The following OR1B1 variants were observed in gnomAD, a reference collection of about 807,000 sequenced individuals.
OR1B1 encodes the protein olfactory receptor 1B1.
For synonymous variants in OR1B1, 168 were observed against 156.2 expected (o/e 1.08, Z -0.57); for missense variants, 414 against 402.1 (o/e 1.03, Z -0.25).
chr9:122,654,316 A>G, the OR1B1 span, among the ~76,000 whole-genome samples: 981 of 152,284 alleles, frequency 6.4e-3, 9 homozygotes, highest in African/African-American at 0.023. Flanking sequence ...CTGAACCACA[A>G]CTTGGAGAAG....
At chr9:122,629,609 G>A (rs2118807861), upstream of OR1B1, 3 of 897,492 alleles carry the variant, frequency 3.3e-6, no homozygotes, top group East Asian at 4.9e-5. Flanking sequence ...AGGGATCATA[G>A]CATTTCTAGT....
the OR1B1 span, among the ~76,000 whole-genome samples, chr9:122,647,812 G>A: frequency 6.6e-6 from 1 of 152,202 alleles, no homozygotes; most frequent in Non-Finnish European, 1.5e-5. Flanking sequence ...CCCAAAGCAA[G>A]CACTCAAGAA....
In OR1B1 at chr9:122,628,812, G is replaced by A. The variant is rs556567774; in HGVS notation, c.724C>T (p.Arg242Ter). The change falls in exon 1 of 1, where the codon CGA becomes TGA. Residue 242 changes from arginine (R) to a stop codon, truncating the protein, a stop_gained. Coordinates refer to ENST00000623530, the Ensembl canonical transcript of OR1B1. LOFTEE classifies it low-confidence loss of function (END_TRUNC). Reference sequence around the variant, plus strand: ...TGGGATCCACAGGTGGAGACTGCTCGGCGGCGACCAGCAGCTGAAGGCAAA... The same window carrying A: ...TGGGATCCACAGGTGGAGACTGCTCAGCGGCGACCAGCAGCTGAAGGCAAA... The A allele has an allele frequency of 3.3e-5, 54 of 1,613,968 alleles. No individual in the cohort carries two copies. The highest frequency in any genetic ancestry group is 4.2e-5 in the Non-Finnish European group (49 of 1,180,008).
At chr9:122,629,034 G>A in exon 1 of OR1B1, 1 of 1,614,016 alleles carries the variant, frequency 6.2e-7, no homozygotes, top group Non-Finnish European at 8.5e-7. Flanking sequence ...GTCCAGCAAA[G>A]AGGCAGGACG....
chr9:122,652,771 G>A, the OR1B1 span, among the ~76,000 whole-genome samples: 2 of 152,080 alleles, frequency 1.3e-5, no homozygotes, highest in Non-Finnish European at 2.9e-5. Flanking sequence ...ATTTATCAAG[G>A]AATGATCCAA....
the OR1B1 span, among the ~76,000 whole-genome samples, chr9:122,648,424 T>C: frequency 6.6e-6 from 1 of 152,164 alleles, no homozygotes; most frequent in African/African-American, 2.4e-5. Flanking sequence ...TAATAAGAGC[T>C]ATTTATGACA....
At chr9:122,654,851 C>A in the OR1B1 span, among the ~76,000 whole-genome samples, 2 of 152,188 alleles carry the variant, frequency 1.3e-5, no homozygotes, top group Admixed American at 6.5e-5. Flanking sequence ...CAGGATTTCC[C>A]CCCTTTGTAA....
chr9:122,643,882 T>C, the OR1B1 span, among the ~76,000 whole-genome samples: 1 of 152,130 alleles, frequency 6.6e-6, no homozygotes, highest in Non-Finnish European at 1.5e-5. Flanking sequence ...ACTGTCTTGA[T>C]GGAAAGAACC....
At chr9:122,638,730 C>T in the OR1B1 span, among the ~76,000 whole-genome samples, 1 of 152,192 alleles carries the variant, frequency 6.6e-6, no homozygotes, top group African/African-American at 2.4e-5. Context: ...TCCCTGACCC[C>T]AGGCAGGACC....
At chr9:122,651,331 A>G in the OR1B1 span, among the ~76,000 whole-genome samples, 1 of 152,210 alleles carries the variant, frequency 6.6e-6, no homozygotes, top group African/African-American at 2.4e-5. Flanking sequence ...AACATTCAAT[A>G]TCCACCTTCT....
chr9:122,650,756 G>A, the OR1B1 span, among the ~76,000 whole-genome samples: 4 of 152,186 alleles, frequency 2.6e-5, no homozygotes, highest in African/African-American at 9.6e-5. Context: ...GGGCGCGGTG[G>A]CTCACGCCTG....
chr9:122,634,529 G>A (rs1830238849), upstream of OR1B1, among the ~76,000 whole-genome samples: 3 of 151,948 alleles, frequency 2.0e-5, no homozygotes, highest in South Asian at 2.1e-4. Flanking sequence ...GGCAACAGGA[G>A]AGAGAAAATG....
At chr9:122,634,279 T>C (rs1242736865), upstream of OR1B1, among the ~76,000 whole-genome samples, 1 of 146,544 alleles carries the variant, frequency 6.8e-6, no homozygotes, top group Admixed American at 7.0e-5. Flanking sequence ...GAGGTTGTGG[T>C]GAGCAGAGAT....
At chr9:122,655,398 A>G in the OR1B1 span, among the ~76,000 whole-genome samples, 1 of 152,122 alleles carries the variant, frequency 6.6e-6, no homozygotes, top group African/African-American at 2.4e-5. Context: ...CTACTTTTAC[A>G]CATAAAATGA....
At chr9:122,633,144 G>A (rs931580828), upstream of OR1B1, among the ~76,000 whole-genome samples, 1 of 152,006 alleles carries the variant, frequency 6.6e-6, no homozygotes, top group Non-Finnish European at 1.5e-5. Flanking sequence ...ATGAGATTTG[G>A]GTGGGGACAC....
chr9:122,644,735 G>T, the OR1B1 span, among the ~76,000 whole-genome samples: 1 of 152,086 alleles, frequency 6.6e-6, no homozygotes, highest in African/African-American at 2.4e-5. Flanking sequence ...GACCACCAAG[G>T]TGATATCTTT....
At chr9:122,632,977 C>T (rs187540429), upstream of OR1B1, among the ~76,000 whole-genome samples, 12 of 152,192 alleles carry the variant, frequency 7.9e-5, no homozygotes, top group South Asian at 4.2e-4. Flanking sequence ...TCTCACATGG[C>T]GGCAGACAAG....
chr9:122,640,255 C>T, the OR1B1 span, among the ~76,000 whole-genome samples: 2 of 152,052 alleles, frequency 1.3e-5, no homozygotes, highest in Admixed American at 6.6e-5. Flanking sequence ...ATCCTCCTCC[C>T]TCCAAGTGGT....
the OR1B1 span, among the ~76,000 whole-genome samples, chr9:122,652,880 G>T: frequency 2.0e-5 from 3 of 152,136 alleles, no homozygotes; most frequent in African/African-American, 7.2e-5. Context: ...GTCTCTTACG[G>T]AATGTAGCTC....
Sources: allele counts gnomAD v4.1 joint callset (sites outside exome capture counted in the v4.1 genomes callset), GRCh38; gene constraint gnomAD v4.1.1; transcripts MANE v1.5; gene names NCBI Gene and HGNC (gene_info 2026-07-23, HGNC 2026-07-21).